The following SORCS2 variants were observed in gnomAD, a reference collection of about 807,000 sequenced individuals.
SORCS2 encodes VPS10 domain-containing receptor SorCS2.
A neutral mutation model predicts 141.6 loss-of-function variants in SORCS2; 100 were observed. That is an observed-to-expected ratio of 0.71 (90% CI 0.60 to 0.83). The LOEUF (loss-of-function observed/expected upper bound fraction) is 0.83, where lower values mean the gene tolerates loss of function less well. SORCS2 is among the 40% of genes least tolerant of loss of function. SORCS2 has a pLI of 0.00. For missense variants in SORCS2, 1,646 were observed against 1,560.2 expected (o/e 1.05, Z -0.93); for synonymous variants, 789 against 676.9 (o/e 1.17, Z -2.57).
chr4:7,619,268 A>C (rs1718982324), intron 3 of SORCS2, among the ~76,000 whole-genome samples: 1 of 152,162 alleles, frequency 6.6e-6, no homozygotes, highest in Admixed American at 6.5e-5. Context: ...TAAGGGATTC[A>C]TCTGGCCAGT....
chr4:7,690,664 G>A (rs1262858286), intron 11 of SORCS2, among the ~76,000 whole-genome samples: 1 of 152,050 alleles, frequency 6.6e-6, no homozygotes, highest in Non-Finnish European at 1.5e-5. Flanking sequence ...GATAGATGGT[G>A]AATGGATGGA....
intron 2 of SORCS2, among the ~76,000 whole-genome samples, chr4:7,412,875 T>C (rs906613294): frequency 5.3e-5 from 8 of 152,132 alleles, no homozygotes; most frequent in Non-Finnish European, 8.8e-5. Context: ...ACAGCCCCCA[T>C]CCTGTCCCCA....
chr4:7,654,872 C>T (rs1721659948), intron 5 of SORCS2, among the ~76,000 whole-genome samples: 1 of 152,196 alleles, frequency 6.6e-6, no homozygotes, highest in Admixed American at 6.5e-5. Flanking sequence ...CTGGGGGCCC[C>T]TGTGTTCCGA....
chr4:7,717,229 C>G (rs903542314), intron 17 of SORCS2, among the ~76,000 whole-genome samples: 3 of 152,234 alleles, frequency 2.0e-5, no homozygotes, highest in Non-Finnish European at 2.9e-5. Context: ...ACATGTTGTT[C>G]CCATGGCCTG....
chr4:7,724,708 GTGA>G (rs1264366477), intron 19 of SORCS2, among the ~76,000 whole-genome samples: 24 of 148,024 alleles, frequency 1.6e-4, no homozygotes, highest in Non-Finnish European at 2.1e-4. Flanking sequence ...GGTGATGGTG[GTGA>G]TAGTATTGGT....
At chr4:7,257,967 C>T (rs1714021426) in intron 1 of SORCS2, among the ~76,000 whole-genome samples, 1 of 152,188 alleles carries the variant, frequency 6.6e-6, no homozygotes, top group Non-Finnish European at 1.5e-5. Flanking sequence ...CACAGCTCCA[C>T]TGGCCAGCCC....
At chr4:7,458,205 G>C (rs892517912) in intron 2 of SORCS2, among the ~76,000 whole-genome samples, 2 of 152,164 alleles carry the variant, frequency 1.3e-5, no homozygotes, top group African/African-American at 4.8e-5. Flanking sequence ...CCTGTGGGGC[G>C]GGGGGAGGCG....
intron 1 of SORCS2, among the ~76,000 whole-genome samples, chr4:7,200,578 A>G (rs1727432827): frequency 1.3e-5 from 2 of 152,204 alleles, no homozygotes; most frequent in Admixed American, 1.3e-4. Flanking sequence ...ATATGAATGG[A>G]GACCGGGAAT....
At chr4:7,221,432 C>G (rs4689651) in intron 1 of SORCS2, among the ~76,000 whole-genome samples, 126,358 of 152,230 alleles carry the variant, frequency 0.83, 52,669 homozygotes, top group African/African-American at 0.91. Context: ...GAACCAGAGA[C>G]CGCCGTAGTG....
intron 4 of SORCS2, among the ~76,000 whole-genome samples, chr4:7,649,901 C>T (rs1005801065): frequency 2.0e-5 from 3 of 152,098 alleles, no homozygotes; most frequent in African/African-American, 7.2e-5. Context: ...CACGTGGGAA[C>T]AGAAAAGAAG....
intron 2 of SORCS2, among the ~76,000 whole-genome samples, chr4:7,446,646 G>A (rs1207875941): frequency 6.6e-6 from 1 of 152,114 alleles, no homozygotes; most frequent in Admixed American, 6.5e-5. Context: ...TGGAATCCAG[G>A]CCTGGAGTTG....
intron 1 of SORCS2, among the ~76,000 whole-genome samples, chr4:7,194,397 G>A (rs1727045003): frequency 6.6e-6 from 1 of 152,214 alleles, no homozygotes; most frequent in East Asian, 1.9e-4. Flanking sequence ...TTGTGCTGGA[G>A]GAGGGATGAG....
chr4:7,643,073 C>T (rs1044882132), intron 4 of SORCS2, among the ~76,000 whole-genome samples: 4 of 152,180 alleles, frequency 2.6e-5, no homozygotes, highest in Admixed American at 2.0e-4. Context: ...CCCATACGCC[C>T]GCCCTGCCTC....
At chr4:7,264,872 T>C (rs189756115) in intron 1 of SORCS2, among the ~76,000 whole-genome samples, 1 of 152,350 alleles carries the variant, frequency 6.6e-6, no homozygotes, top group Admixed American at 6.5e-5. Flanking sequence ...CGATGTCCAG[T>C]CCTGCCCTCA....
intron 1 of SORCS2, among the ~76,000 whole-genome samples, chr4:7,383,769 C>G (rs1723131710): frequency 6.6e-6 from 1 of 152,144 alleles, no homozygotes; most frequent in Non-Finnish European, 1.5e-5. Flanking sequence ...CTTGTAATTT[C>G]ATTAATAATT....
chr4:7,197,435 C>T (rs1727237496), intron 1 of SORCS2, among the ~76,000 whole-genome samples: 1 of 152,112 alleles, frequency 6.6e-6, no homozygotes, highest in African/African-American at 2.4e-5. Flanking sequence ...TAGTGGGAGA[C>T]AGCAGATGGA....
chr4:7,290,714 G>A (rs928104694), intron 1 of SORCS2, among the ~76,000 whole-genome samples: 1 of 152,220 alleles, frequency 6.6e-6, no homozygotes, highest in Non-Finnish European at 1.5e-5. Flanking sequence ...GCGTGCAGAT[G>A]TGTGTATGTG....
At chr4:7,539,822 A>ACCCCTTCCTGTTGTGGCTGCTCCG (rs1339023514) in intron 3 of SORCS2, among the ~76,000 whole-genome samples, 112 of 81,444 alleles carry the variant, frequency 1.4e-3, no homozygotes, top group Non-Finnish European at 1.4e-3. Context: ...TGGAGGCCCC[A>ACCCCTTCCTGTTGTGGCTGCTCCG]CCCCTTCCTG....
intron 2 of SORCS2, among the ~76,000 whole-genome samples, chr4:7,474,486 A>T (rs1008135502): frequency 3.9e-5 from 6 of 152,172 alleles, no homozygotes; most frequent in Non-Finnish European, 7.4e-5. Context: ...CCTAGGGCTG[A>T]TGTCCGCAGC....
Sources: gnomAD v4.1 joint callset for allele counts (sites outside exome capture counted in the v4.1 genomes callset) on GRCh38, gnomAD v4.1.1 for gene constraint, MANE v1.5 for transcripts, NCBI Gene and HGNC (gene_info 2026-07-23, HGNC 2026-07-21) for gene names.